EDIL3: variants seen among roughly 807,000 people sequenced by gnomAD.
EDIL3 encodes the protein EGF-like repeat and discoidin I-like domain-containing protein 3.
In EDIL3, 37 loss-of-function variants were observed where a neutral mutation model predicts 67.4. That is an observed-to-expected ratio of 0.55 (90% CI 0.42 to 0.72). The LOEUF is 0.72. Ranked by LOEUF, EDIL3 falls within the 30% of genes least tolerant of loss-of-function variation. The pLI, the probability that EDIL3 is intolerant of heterozygous loss-of-function variation, is 0.00. For synonymous variants in EDIL3, 195 were observed against 196.3 expected, an observed-to-expected ratio of 0.99 and a Z score of 0.05; for missense variants, 527 against 586.3, an observed-to-expected ratio of 0.90 and a Z score of 1.04.
At chr5:84,045,192 T>G (rs915593569) in intron 9 of EDIL3, among the ~76,000 whole-genome samples, 5 of 152,140 alleles carry the variant, frequency 3.3e-5, no homozygotes, top group African/African-American at 1.2e-4. Flanking sequence ...CCCCATGATT[T>G]AATTATCTCC....
At chr5:83,990,754 C>A (rs1406433204) in intron 9 of EDIL3, among the ~76,000 whole-genome samples, 1 of 151,702 alleles carries the variant, frequency 6.6e-6, no homozygotes, top group Non-Finnish European at 1.5e-5. Flanking sequence ...GTAGCGGGCA[C>A]CTGTAATCTC....
At chr5:84,110,266 G>T (rs1201221932) in intron 5 of EDIL3, among the ~76,000 whole-genome samples, 4 of 152,070 alleles carry the variant, frequency 2.6e-5, no homozygotes, top group Non-Finnish European at 5.9e-5. Context: ...TAATCATGTG[G>T]ACCACAATCA....
At chr5:83,963,751 C>A (rs1744645585) in intron 9 of EDIL3, among the ~76,000 whole-genome samples, 1 of 146,674 alleles carries the variant, frequency 6.8e-6, no homozygotes, top group South Asian at 2.2e-4. Flanking sequence ...ACTTATAGTT[C>A]AATTTTCTGA....
intron 9 of EDIL3, among the ~76,000 whole-genome samples, chr5:83,969,772 A>C (rs1021584057): frequency 6.6e-6 from 1 of 151,884 alleles, no homozygotes; most frequent in African/African-American, 2.4e-5. Context: ...ATTTTTTAAA[A>C]AATTGATACA....
chr5:84,238,562 C>T (rs965693135), intron 2 of EDIL3, among the ~76,000 whole-genome samples: 16 of 151,090 alleles, frequency 1.1e-4, no homozygotes, highest in African/African-American at 2.4e-4. Flanking sequence ...TGCTTGATTA[C>T]GTAGAGCTAA....
At chr5:84,216,052 G>A (rs1303139487) in intron 3 of EDIL3, among the ~76,000 whole-genome samples, 1 of 152,136 alleles carries the variant, frequency 6.6e-6, no homozygotes, top group Admixed American at 6.5e-5. Context: ...GTGAGAAGAT[G>A]CTGCCTTGGA....
chr5:83,990,483 C>T (rs951839944), intron 9 of EDIL3, among the ~76,000 whole-genome samples: 2 of 86,064 alleles, frequency 2.3e-5, no homozygotes, highest in Non-Finnish European at 4.9e-5. Context: ...GAGACTCCAT[C>T]ACAAAAAAAA....
chr5:84,291,786 T>C (rs1745928067), intron 1 of EDIL3, among the ~76,000 whole-genome samples: 1 of 146,868 alleles, frequency 6.8e-6, no homozygotes, highest in African/African-American at 2.5e-5. Flanking sequence ...CATATACAGA[T>C]ATATACACAC....
intron 1 of EDIL3, among the ~76,000 whole-genome samples, chr5:84,266,413 A>G (rs1282010011): frequency 2.6e-5 from 4 of 152,190 alleles, no homozygotes; most frequent in African/African-American, 9.7e-5. Flanking sequence ...TCTGCTATTG[A>G]AGAGGCTTTG....
intron 3 of EDIL3, among the ~76,000 whole-genome samples, chr5:84,214,298 G>T (rs1379169970): frequency 2.0e-5 from 3 of 152,070 alleles, no homozygotes; most frequent in Non-Finnish European, 4.4e-5. Context: ...AGTATTTGTG[G>T]GGGATGGATT....
At chr5:84,266,181 A>G (rs959410667) in intron 1 of EDIL3, among the ~76,000 whole-genome samples, 4 of 152,202 alleles carry the variant, frequency 2.6e-5, no homozygotes, top group Non-Finnish European at 4.4e-5. Flanking sequence ...GAACTTGAAT[A>G]CATTCAAAAA....
At chr5:84,375,143 T>A (rs1380678114) in intron 1 of EDIL3, among the ~76,000 whole-genome samples, 1 of 151,994 alleles carries the variant, frequency 6.6e-6, no homozygotes, top group Admixed American at 6.6e-5. Flanking sequence ...AGCTATTTTT[T>A]GTATTTTTAG....
At chr5:84,261,479 A>T (rs1745221338) in intron 1 of EDIL3, among the ~76,000 whole-genome samples, 1 of 152,140 alleles carries the variant, frequency 6.6e-6, no homozygotes, top group Admixed American at 6.5e-5. Flanking sequence ...GGCCAATTTA[A>T]ATTTCAAATA....
intron 1 of EDIL3, among the ~76,000 whole-genome samples, chr5:84,346,354 T>G (rs1414737780): frequency 6.6e-6 from 1 of 152,046 alleles, no homozygotes; most frequent in Non-Finnish European, 1.5e-5. Flanking sequence ...ATAGCACAAA[T>G]GCAGCCAGTG....
chr5:84,250,275 T>C (rs1343962384), intron 2 of EDIL3, among the ~76,000 whole-genome samples: 3 of 152,124 alleles, frequency 2.0e-5, no homozygotes, highest in African/African-American at 7.2e-5. Context: ...GCTGAGCACA[T>C]TGAGTTGTGT....
intron 1 of EDIL3, among the ~76,000 whole-genome samples, chr5:84,272,594 C>G (rs1267210306): frequency 6.6e-6 from 1 of 152,092 alleles, no homozygotes; most frequent in Non-Finnish European, 1.5e-5. Context: ...TTAATATCAG[C>G]ATTTCACAAG....
intron 9 of EDIL3, among the ~76,000 whole-genome samples, chr5:83,978,791 G>A (rs1744916430): frequency 1.3e-5 from 2 of 152,016 alleles, no homozygotes; most frequent in Non-Finnish European, 2.9e-5. Flanking sequence ...CAGAAAATGA[G>A]TCCTTCTTTT....
At chr5:84,367,693 G>A (rs764382905) in intron 1 of EDIL3, among the ~76,000 whole-genome samples, 10 of 152,098 alleles carry the variant, frequency 6.6e-5, no homozygotes, top group South Asian at 2.1e-4. Context: ...TGAGACAGGC[G>A]AATCCCTTGA....
Position 84,310,087 on chromosome 5 carries a change from A to C in EDIL3, c.68-55875T>G, listed in dbSNP as rs147595821. Among the ~76,000 whole-genome samples the C allele has an allele frequency of 8.5e-3, 1,290 of 152,338 alleles. 13 individuals carry two copies. Among genetic ancestry groups the C allele is most frequent in the Non-Finnish European group, 0.013 (861 of 68,026 alleles). Reference sequence around the variant, plus strand: ...AGTTAAGAGAGAAGAATTTTCATGAAAAATTAATAACAATTCTGACAAAGC... The same window carrying C: ...AGTTAAGAGAGAAGAATTTTCATGACAAATTAATAACAATTCTGACAAAGC... On this transcript the variant is annotated intron_variant, in intron 1 of 10. Transcript: ENST00000296591.
Sources: gnomAD v4.1 joint callset for allele counts (sites outside exome capture counted in the v4.1 genomes callset) on GRCh38, gnomAD v4.1.1 for gene constraint, MANE v1.5 for transcripts, NCBI Gene and HGNC (gene_info 2026-07-23, HGNC 2026-07-21) for gene names.